PTCH2: variants seen among roughly 807,000 people sequenced by gnomAD.
The protein encoded by PTCH2 is patched 2, also known as protein patched homolog 2.
PTCH2 carries 96 observed loss-of-function variants against 117.9 expected under a neutral mutation model. The ratio of observed to expected loss-of-function variants is 0.81; its 90% CI spans 0.69 to 0.96. The LOEUF (loss-of-function observed/expected upper bound fraction) is 0.96, where lower values mean the gene tolerates loss of function less well. Among genes scored for constraint, PTCH2 ranks in the 50% least tolerant of loss-of-function variants. PTCH2 has a pLI of 0.00. For missense variants in PTCH2, 1,379 were observed against 1,562.5 expected (o/e 0.88, Z 1.98); for synonymous variants, 615 against 660.9 (o/e 0.93, Z 1.06).
rs372961955 is a variant in PTCH2, at chr1:44,828,441, A to G, written c.1591-27T>C. Reference sequence around the variant, plus strand: ...TGGGGGACGGACAGGAGGGGAATGAAGGCTGGATGAAGCTTGGCCTCAGCC... The same window carrying G: ...TGGGGGACGGACAGGAGGGGAATGAGGGCTGGATGAAGCTTGGCCTCAGCC... On this transcript the variant is annotated intron_variant, in intron 12 of 21. Transcript: ENST00000372192. 1.1e-3 allele frequency: 1,711 copies of G among 1,614,118 alleles called. 2 individuals carry two copies. The highest frequency in any genetic ancestry group is 1.4e-3 in the Non-Finnish European group (1,604 of 1,180,016).
intron 2 of PTCH2, among the ~76,000 whole-genome samples, chr1:44,835,837 G>A (rs1252897796): frequency 6.6e-6 from 1 of 152,204 alleles, no homozygotes; most frequent in Non-Finnish European, 1.5e-5. Context: ...AACTGTCAAA[G>A]ACTCCGTGTT....
At chr1:44,830,663 G>C (rs1016684287) in intron 6 of PTCH2, among the ~76,000 whole-genome samples, 185 bp downstream of exon 6, 2 of 150,784 alleles carry the variant, frequency 1.3e-5, no homozygotes, top group Non-Finnish European at 2.9e-5. Flanking sequence ...TACCACTTGA[G>C]GGCTCCGTAG....
At chr1:44,830,098 C>A in intron 6 of PTCH2, 68 bp from the exon 7 acceptor site, 1 of 1,592,854 alleles carries the variant, frequency 6.3e-7, no homozygotes, top group Non-Finnish European at 8.6e-7. Context: ...CCCTGGGCTT[C>A]CACCTCCAGG....
chr1:44,833,415 G>A (rs901290171), intron 2 of PTCH2, among the ~76,000 whole-genome samples: 4 of 151,126 alleles, frequency 2.6e-5, no homozygotes, highest in Admixed American at 1.3e-4. Flanking sequence ...ATCTGAGATC[G>A]TCATGTTTCC....
At chr1:44,842,758 A>C in intron 1 of PTCH2, 103 bp downstream of exon 1, 1 of 1,199,958 alleles carries the variant, frequency 8.3e-7, no homozygotes, top group African/African-American at 1.5e-5. Flanking sequence ...GCCTTCAGAC[A>C]TCTAATGACA....
In PTCH2 at chr1:44,829,242, C is replaced by A. The variant is rs745977182; in HGVS notation, c.1286G>T (p.Gly429Val). The change falls in exon 10 of 22, where the codon GGG (glycine) becomes GTG (valine). Residue 429 changes from glycine (G) to valine (V), a missense_variant. By Grantham distance (109) the Gly-to-Val change is moderately radical (BLOSUM62 -3). Coordinates refer to ENST00000372192, the MANE Select transcript of PTCH2 (RefSeq NM_003738.5). Reference protein sequence around the residue: ...AQSQGSVGLAGVLLVALAVAS... With the variant: ...AQSQGSVGLAVVLLVALAVAS... Reference sequence around the variant, plus strand: ...CACCGCCAGGGCCACCAGCAGTACCCCGGCAAGGCCCACGGAACCCTGGGA... The same window carrying A: ...CACCGCCAGGGCCACCAGCAGTACCACGGCAAGGCCCACGGAACCCTGGGA... 4 of 1,613,544 alleles carry A rather than the reference C, an allele frequency of 2.5e-6. No individual in the cohort carries two copies. Among genetic ancestry groups the A allele is most frequent in the Non-Finnish European group, 2.5e-6 (3 of 1,180,020 alleles).
At chr1:44,820,728 C>T, downstream of PTCH2, 1 of 718,176 alleles carries the variant, frequency 1.4e-6, no homozygotes. Context: ...GATGAGGAGG[C>T]TTAGTGAGGC....
chr1:44,830,917 C>A lies in PTCH2; in HGVS notation c.744G>T (p.Val248=). The part of the protein sequence containing the change: ...LDKAQVGQAY[V]GRPCLHPDDL... ...CATCAGGGTGCAGACAGGGCCGCCC[C>A]ACGTAGGCCTGGCCCACCTGTGCCT... The change falls in exon 6 of 22, where the codon GTG becomes GTT. Residue 248 remains valine, a synonymous_variant. Transcript: ENST00000372192. 1.3e-6 allele frequency: 2 copies of A among 1,590,412 alleles called. No homozygotes were observed. Among genetic ancestry groups the A allele is most frequent in the South Asian group, 1.1e-5 (1 of 90,006 alleles).
rs552470325 is a variant in PTCH2 at position 44,830,844 on chromosome 1, C to T, written c.813+4G>A. 1 of 1,542,310 alleles carries T rather than the reference C, an allele frequency of 6.5e-7. No individual in the cohort carries two copies. The highest frequency in any genetic ancestry group is 1.9e-5 in the Admixed American group (1 of 52,398). On this transcript the variant is annotated splice_donor_region_variant and intron_variant, in intron 6 of 21. Transcript: ENST00000372192. ...TTTCCCTGGCAGACCTGGTTGGAAC[C>T]CACCTGCCTGCTGTGATGGTTGGGG...
Position 44,829,384 on chromosome 1 carries a change from G to A in PTCH2, c.1215+18C>T, listed in dbSNP as rs375884824. 3.4e-5 allele frequency: 55 copies of A among 1,614,104 alleles called. No homozygotes were observed. Among genetic ancestry groups the A allele is most frequent in the African/African-American group, 5.3e-5 (4 of 75,054 alleles). On this transcript the variant is annotated intron_variant, in intron 9 of 21. Transcript: ENST00000372192. ...GTTGGAGGTGGGGTGGGGGCAAGGT[G>A]CCAGGTGCAAGACCCACCATGAGCA...
Position 44,821,938 on chromosome 1 carries a change from T to G in PTCH2, c.*477A>C. On this transcript the variant is annotated 3_prime_UTR_variant, in exon 22 of 22. Transcript: ENST00000372192. The stretch of plus-strand genomic sequence containing the variant: ...AAAAAAGCACTGAAGTCATCTGAGA[T>G]TAGTTCACATAGAATATATTTCATT... The G allele has an allele frequency of 7.4e-7, 1 of 1,355,466 alleles. No individual in the cohort carries two copies. The highest frequency in any genetic ancestry group is 4.6e-5 in the East Asian group (1 of 21,516). 84.0% of individuals were successfully genotyped at this position (1,355,466 alleles called of 1,614,324 possible). A position where few individuals can be genotyped will look rare whatever the true frequency, so the allele number is the denominator to read the frequency against.
rs1240643433 is a variant in PTCH2 at position 44,827,302 on chromosome 1, C to G, written c.2379G>C (p.Gln793His). 2.5e-6 allele frequency: 4 copies of G among 1,613,944 alleles called. No homozygotes were observed. The highest frequency in any genetic ancestry group is 2.5e-6 in the Non-Finnish European group (3 of 1,180,034). The change falls in exon 16 of 22, where the codon CAG becomes CAC. Residue 793 changes from glutamine to histidine, a missense_variant. Transcript: ENST00000372192. ...AAGCCCAGTCCTGGTCAAAGGCAGC[C>G]TGGATTCCTGGGGGAGACCAGGATA... ...HYYRNWLQGI[Q>H]AAFDQDWASG... is the part of the protein sequence containing the mutation.
intron 2 of PTCH2, among the ~76,000 whole-genome samples, chr1:44,837,744 T>C (rs528881750): frequency 7.9e-5 from 12 of 151,938 alleles, no homozygotes; most frequent in South Asian, 2.1e-4. Flanking sequence ...TTGCCAGAGA[T>C]AGAACAAGGC....
At chr1:44,840,650 G>A (rs1455712771) in intron 2 of PTCH2, among the ~76,000 whole-genome samples, 1 of 151,448 alleles carries the variant, frequency 6.6e-6, no homozygotes, top group Non-Finnish European at 1.5e-5. Context: ...GGCAGAGGTT[G>A]CAGTGAGACG....
Position 44,822,356 on chromosome 1 carries a change from C to T in PTCH2, c.*59G>A, listed in dbSNP as rs1282583001. On this transcript the variant is annotated 3_prime_UTR_variant, in exon 22 of 22. Transcript: ENST00000372192. ...TCCATCCTGCGTCTAACACCAGACC[C>T]AGTGCTTCCCAGTGACCCCACACGC... 217 of 1,610,334 alleles carry T rather than the reference C, an allele frequency of 1.3e-4. 1 individual carries two copies. The highest frequency in any genetic ancestry group is 5.1e-6 in the Non-Finnish European group (6 of 1,179,992).
Position 44,823,497 on chromosome 1 carries a change from G to C in PTCH2, c.3115-112C>G. 2 of 1,467,384 alleles carry C rather than the reference G, an allele frequency of 1.4e-6. No individual in the cohort carries two copies. The highest frequency in any genetic ancestry group is 1.9e-6 in the Non-Finnish European group (2 of 1,059,614). The allele number at this position is 1,467,384 out of a possible 1,614,324, so 90.9% of individuals were successfully genotyped here. On this transcript the variant is annotated intron_variant, in intron 19 of 21. Transcript: ENST00000372192. This position sits in a 1 kb window ranked among gnomAD's most constrained non-coding sequence, Gnocchi z 5.1. ...TCAACGATACCTTGGCCCACCAAAG[G>C]CTGGGTGAACTAAGTTCATGGGAAC...
intron 2 of PTCH2, among the ~76,000 whole-genome samples, chr1:44,835,147 C>T (rs887946669): frequency 9.2e-5 from 14 of 152,212 alleles, no homozygotes; most frequent in South Asian, 8.3e-4. Flanking sequence ...CACAGCTCAC[C>T]GCAGCCTTGA....
rs1357519079 is a variant in PTCH2 at position 44,822,133 on chromosome 1, C to T, written c.*282G>A. Reference sequence around the variant, plus strand: ...GGTCCCTCAGGCTTGGTCAGCTGGGCAGGCAGTGGTGTGGGGTGGGAAGGG... The same window carrying T: ...GGTCCCTCAGGCTTGGTCAGCTGGGTAGGCAGTGGTGTGGGGTGGGAAGGG... On this transcript the variant is annotated 3_prime_UTR_variant, in exon 22 of 22. Transcript: ENST00000372192. 1.1e-5 allele frequency: 16 copies of T among 1,403,662 alleles called. No homozygotes were observed. The highest frequency in any genetic ancestry group is 1.5e-5 in the Non-Finnish European group (16 of 1,081,292). 87.0% of individuals were successfully genotyped at this position (1,403,662 alleles called of 1,614,324 possible).
rs1393765796 is a variant in PTCH2 at position 44,842,997 on chromosome 1, C to T, written c.-65G>A. The T allele has an allele frequency of 4.1e-6, 6 of 1,468,566 alleles. No individual in the cohort carries two copies. Among genetic ancestry groups the T allele is most frequent in the Non-Finnish European group, 5.4e-6 (6 of 1,114,512 alleles). 91.0% of individuals were successfully genotyped at this position (1,468,566 alleles called of 1,614,324 possible). A position where few individuals can be genotyped will look rare whatever the true frequency, so the allele number is the denominator to read the frequency against. On this transcript the variant is annotated 5_prime_UTR_variant, in exon 1 of 22. Transcript: ENST00000372192. Reference sequence around the variant, plus strand: ...TTATCTGGGCGCTCCCATAGGCTAGCCCGGTCTCCCGGTACCGCTGGGCCC... The same window carrying T: ...TTATCTGGGCGCTCCCATAGGCTAGTCCGGTCTCCCGGTACCGCTGGGCCC...
Sources: allele counts gnomAD v4.1 joint callset (sites outside exome capture counted in the v4.1 genomes callset), GRCh38; gene constraint gnomAD v4.1.1; non-coding constraint Gnocchi (gnomAD v3.1); transcripts MANE v1.5; gene names NCBI Gene and HGNC (gene_info 2026-07-23, HGNC 2026-07-21).